ARHGAP15: variants seen among roughly 807,000 people sequenced by gnomAD.
The protein encoded by ARHGAP15 is rho GTPase-activating protein 15.
ARHGAP15 carries 51 observed loss-of-function variants against 63.7 expected under a neutral mutation model. The ratio of observed to expected loss-of-function variants is 0.80; its 90% CI spans 0.64 to 1.01. The LOEUF is 1.01. Ranked by LOEUF, ARHGAP15 falls within the 50% of genes least tolerant of loss-of-function variation. The pLI is 0.00. For synonymous variants in ARHGAP15, 191 were observed against 193.8 expected (o/e 0.99, Z 0.12); for missense variants, 560 against 564.6 (o/e 0.99, Z 0.08).
chr2:143,573,757 C>G (rs887474339), intron 11 of ARHGAP15, among the ~76,000 whole-genome samples: 2 of 152,026 alleles, frequency 1.3e-5, no homozygotes, highest in African/African-American at 2.4e-5. Context: ...ATCCAGTATA[C>G]CTAGTATAGT....
intron 9 of ARHGAP15, among the ~76,000 whole-genome samples, chr2:143,500,898 A>G (rs995063775): frequency 2.0e-5 from 3 of 152,216 alleles, no homozygotes; most frequent in African/African-American, 4.8e-5. Flanking sequence ...ATGATTTTTT[A>G]AAATCTATCC....
At chr2:143,700,150 T>C (rs1684021259) in intron 12 of ARHGAP15, among the ~76,000 whole-genome samples, 1 of 152,168 alleles carries the variant, frequency 6.6e-6, no homozygotes, top group African/African-American at 2.4e-5. Flanking sequence ...AAGTGTTGTG[T>C]AAGTAGAATA....
At chr2:143,641,988 T>G (rs1680624038) in intron 12 of ARHGAP15, among the ~76,000 whole-genome samples, 1 of 152,144 alleles carries the variant, frequency 6.6e-6, no homozygotes, top group African/African-American at 2.4e-5. Context: ...ATGGCCCATT[T>G]ATATTATGAA....
intron 6 of ARHGAP15, among the ~76,000 whole-genome samples, chr2:143,378,975 ATTTT>A (rs1328444699): frequency 6.6e-6 from 1 of 151,668 alleles, no homozygotes; most frequent in Non-Finnish European, 1.5e-5. Context: ...TTTTTTAATT[ATTTT>A]TTTATTTTTT....
At chr2:143,697,962 T>C (rs1199805340) in intron 12 of ARHGAP15, among the ~76,000 whole-genome samples, 1 of 152,172 alleles carries the variant, frequency 6.6e-6, no homozygotes, top group Non-Finnish European at 1.5e-5. Context: ...GGGACTACCA[T>C]GTTTTTCATA....
intron 3 of ARHGAP15, 89 bp from the exon 4 acceptor site, chr2:143,216,295 C>T: frequency 9.9e-7 from 1 of 1,013,606 alleles, no homozygotes; most frequent in Non-Finnish European, 1.5e-6. Flanking sequence ...ACTTCCGTCA[C>T]TGCAATGACT....
At chr2:143,606,098 G>A (rs901749466) in intron 11 of ARHGAP15, among the ~76,000 whole-genome samples, 2 of 135,692 alleles carry the variant, frequency 1.5e-5, no homozygotes, top group Non-Finnish European at 3.1e-5. Context: ...TTCGCTACCT[G>A]TGTTTTGAAG....
chr2:143,708,375 G>A (rs1175237658), intron 13 of ARHGAP15, among the ~76,000 whole-genome samples: 1 of 152,118 alleles, frequency 6.6e-6, no homozygotes, highest in Non-Finnish European at 1.5e-5. Context: ...GAATTACCAA[G>A]GCAGTGCAGG....
chr2:143,741,255 C>T (rs1685951764), intron 13 of ARHGAP15: 1 of 152,106 alleles, frequency 6.6e-6, no homozygotes, highest in Non-Finnish European at 1.5e-5. Context: ...ATAAAGCTGA[C>T]CTAAAGAAAA....
chr2:143,519,228 T>C (rs1004981869), intron 9 of ARHGAP15, 38 bp from the exon 10 acceptor site: 5 of 1,464,314 alleles, frequency 3.4e-6, no homozygotes, highest in African/African-American at 2.8e-5. Context: ...CAACGCAAGC[T>C]TGGATTTTAA....
chr2:143,533,003 T>G (rs1285798628), intron 10 of ARHGAP15, among the ~76,000 whole-genome samples: 3 of 152,190 alleles, frequency 2.0e-5, no homozygotes, highest in Admixed American at 6.5e-5. Flanking sequence ...GAACGACTAT[T>G]TTATGAACAA....
chr2:143,317,791 CAG>C (rs1340995521), intron 6 of ARHGAP15, among the ~76,000 whole-genome samples: 1 of 152,124 alleles, frequency 6.6e-6, no homozygotes, highest in Admixed American at 6.5e-5. Context: ...GCTGCAAAGA[CAG>C]ATAACTGGTT....
At chr2:143,166,079 T>A (rs1234846356) in intron 2 of ARHGAP15, among the ~76,000 whole-genome samples, 1 of 151,782 alleles carries the variant, frequency 6.6e-6, no homozygotes, top group Non-Finnish European at 1.5e-5. Context: ...ATATCTTCTT[T>A]CTTGTCTTGA....
intron 12 of ARHGAP15, among the ~76,000 whole-genome samples, chr2:143,691,041 G>GACGT (rs1465177653): frequency 6.6e-6 from 1 of 152,162 alleles, no homozygotes; most frequent in African/African-American, 2.4e-5. Flanking sequence ...ACAGCGGACG[G>GACGT]ACGTACTCTC....
At chr2:143,656,707 C>T (rs151019131) in intron 12 of ARHGAP15, among the ~76,000 whole-genome samples, 53 of 152,260 alleles carry the variant, frequency 3.5e-4, no homozygotes, top group African/African-American at 1.2e-3. Flanking sequence ...GGGCAGGTAA[C>T]GGAAAAGTGC....
At chr2:143,561,481 C>G (rs1165450190) in intron 11 of ARHGAP15, among the ~76,000 whole-genome samples, 2 of 151,772 alleles carry the variant, frequency 1.3e-5, no homozygotes, top group Admixed American at 6.6e-5. Flanking sequence ...TACTTCTTAC[C>G]AGGATTTTAG....
At chr2:143,405,256 C>T (rs78490412) in intron 6 of ARHGAP15, among the ~76,000 whole-genome samples, 31,819 of 142,960 alleles carry the variant, frequency 0.22, 3,863 homozygotes, top group Admixed American at 0.35. Context: ...TAAATAAATG[C>T]TTATAAGCCA....
intron 6 of ARHGAP15, among the ~76,000 whole-genome samples, chr2:143,303,550 G>A (rs1380134051): frequency 2.0e-5 from 3 of 152,002 alleles, no homozygotes; most frequent in Non-Finnish European, 2.9e-5. Context: ...CAGGACATAG[G>A]CATGGGCAAG....
intron 6 of ARHGAP15, among the ~76,000 whole-genome samples, chr2:143,284,968 A>G (rs1682023610): frequency 6.6e-6 from 1 of 152,184 alleles, no homozygotes; most frequent in Non-Finnish European, 1.5e-5. Context: ...TACATAACAT[A>G]TAAGCCTTTG....
Sources: allele counts gnomAD v4.1 joint callset (sites outside exome capture counted in the v4.1 genomes callset), GRCh38; gene constraint gnomAD v4.1.1; transcripts MANE v1.5; gene names NCBI Gene and HGNC (gene_info 2026-07-23, HGNC 2026-07-21).